The following PLXDC2 variants were observed in gnomAD, a reference collection of about 807,000 sequenced individuals.
PLXDC2 encodes plexin domain containing 2.
A neutral mutation model predicts 68.9 loss-of-function variants in PLXDC2; 40 were observed. The ratio of observed to expected loss-of-function variants is 0.58; its 90% CI spans 0.45 to 0.76. The LOEUF (loss-of-function observed/expected upper bound fraction) is 0.76, where lower values mean the gene tolerates loss of function less well. Among genes scored for constraint, PLXDC2 ranks in the 30% least tolerant of loss-of-function variants. The probability of loss-of-function intolerance (pLI) is 0.00; values close to 1 mark genes in which losing one functional copy is unlikely to be tolerated. For synonymous variants in PLXDC2, 243 were observed against 234.2 expected (o/e 1.04, Z -0.34); for missense variants, 644 against 661.9 (o/e 0.97, Z 0.30).
At chr10:20,133,004 G>T (rs971674360) in intron 4 of PLXDC2, among the ~76,000 whole-genome samples, 1 of 150,644 alleles carries the variant, frequency 6.6e-6, no homozygotes, top group East Asian at 1.9e-4. Flanking sequence ...TTTTTCCTTC[G>T]TGGTTACCAC....
At chr10:20,262,194 C>T (rs1835816647) in intron 13 of PLXDC2, among the ~76,000 whole-genome samples, 1 of 152,176 alleles carries the variant, frequency 6.6e-6, no homozygotes, top group Non-Finnish European at 1.5e-5. Flanking sequence ...ATATTTGCAC[C>T]CACAGGTCAT....
Position 20,011,925 on chromosome 10 carries a change from A to G in PLXDC2, c.324+9939A>G, listed in dbSNP as rs532325930. 3.3e-5 allele frequency among the ~76,000 whole-genome samples: 5 copies of G among 152,308 alleles called. No homozygotes were observed. In the East Asian group the frequency reaches 9.7e-4, roughly 29 times the overall value. On this transcript the variant is annotated intron_variant, in intron 2 of 13. Coordinates refer to ENST00000377252, the MANE Select transcript of PLXDC2 (RefSeq NM_032812.9). The stretch of plus-strand genomic sequence containing the variant: ...TATTTTATCATACAAATTAATGTGT[A>G]CTCAACAATTTAGCACCAATTCACT...
chr10:20,087,248 A>T (rs1833212335), intron 4 of PLXDC2, among the ~76,000 whole-genome samples: 1 of 152,206 alleles, frequency 6.6e-6, no homozygotes, highest in Non-Finnish European at 1.5e-5. Flanking sequence ...TTAAATTTGC[A>T]GATACCACCC....
rs76754543 is a variant in PLXDC2 at position 19,951,507 on chromosome 10, C to T, written c.113-50268C>T. On this transcript the variant is annotated intron_variant, in intron 1 of 13. Coordinates refer to ENST00000377252, the MANE Select transcript of PLXDC2 (RefSeq NM_032812.9). Reference sequence around the variant, plus strand: ...TTTAAAAGTCAAAAAAACAACAGGTCGTGGCAAGGCTGTGGAGAAAAGGGA... The same window carrying T: ...TTTAAAAGTCAAAAAAACAACAGGTTGTGGCAAGGCTGTGGAGAAAAGGGA... Among the ~76,000 whole-genome samples, 500 of 152,188 alleles carry T rather than the reference C, an allele frequency of 3.3e-3. 6 individuals are homozygous for T. The highest frequency in any genetic ancestry group is 0.032 in the East Asian group (166 of 5,176).
intron 1 of PLXDC2, among the ~76,000 whole-genome samples, chr10:19,948,427 G>C (rs1422597970): frequency 6.7e-6 from 1 of 148,522 alleles, no homozygotes; most frequent in Non-Finnish European, 1.5e-5. Context: ...AAAGAGTGTA[G>C]TGCTCTCAGT....
At chr10:19,929,826 T>G (rs920273797) in intron 1 of PLXDC2, among the ~76,000 whole-genome samples, 2 of 152,194 alleles carry the variant, frequency 1.3e-5, no homozygotes, top group Non-Finnish European at 2.9e-5. Flanking sequence ...ATGTTAATGC[T>G]CCCCACATTC....
chr10:19,893,464 C>T (rs189499332), intron 1 of PLXDC2, among the ~76,000 whole-genome samples: 12 of 152,218 alleles, frequency 7.9e-5, no homozygotes, highest in South Asian at 4.1e-4. Context: ...CATTCTCAGT[C>T]GTAAATGTCT....
intron 13 of PLXDC2, among the ~76,000 whole-genome samples, chr10:20,245,852 G>A (rs1023822021): frequency 1.3e-5 from 2 of 152,084 alleles, no homozygotes; most frequent in Non-Finnish European, 2.9e-5. Context: ...GTATCTGGGG[G>A]GCTGAAGACT....
At chr10:20,004,594 A>T (rs1834995866) in intron 2 of PLXDC2, among the ~76,000 whole-genome samples, 1 of 152,210 alleles carries the variant, frequency 6.6e-6, no homozygotes, top group Non-Finnish European at 1.5e-5. Context: ...CCACGACAAA[A>T]TGCAAAAAAT....
At chr10:19,869,813 C>G (rs1837499636) in intron 1 of PLXDC2, among the ~76,000 whole-genome samples, 1 of 151,824 alleles carries the variant, frequency 6.6e-6, no homozygotes, top group African/African-American at 2.4e-5. Context: ...CCCCACCACC[C>G]ACTCCCCCGC....
chr10:20,125,724 C>A (rs768498884), intron 4 of PLXDC2, among the ~76,000 whole-genome samples: 2 of 151,902 alleles, frequency 1.3e-5, no homozygotes, highest in Admixed American at 6.6e-5. Flanking sequence ...CGAGCAATTG[C>A]AGCTGCATTT....
chr10:19,934,602 C>T (rs557079013), intron 1 of PLXDC2, among the ~76,000 whole-genome samples: 15 of 152,270 alleles, frequency 9.9e-5, no homozygotes, highest in East Asian at 5.8e-4. Flanking sequence ...TAATCAAATT[C>T]GCCTATAATT....
chr10:19,931,388 A>T (rs1258357371), intron 1 of PLXDC2, among the ~76,000 whole-genome samples: 2 of 152,216 alleles, frequency 1.3e-5, no homozygotes, highest in Non-Finnish European at 2.9e-5. Flanking sequence ...CTTAAGCTTC[A>T]GCCCAACAGC....
intron 1 of PLXDC2, among the ~76,000 whole-genome samples, chr10:19,851,201 T>C (rs1837111520): frequency 6.6e-6 from 1 of 152,212 alleles, no homozygotes; most frequent in Non-Finnish European, 1.5e-5. Context: ...TGCTTTTCTC[T>C]TGCTCCATTG....
intron 6 of PLXDC2, among the ~76,000 whole-genome samples, chr10:20,154,075 T>C (rs1834186141): frequency 6.6e-6 from 1 of 152,164 alleles, no homozygotes; most frequent in Non-Finnish European, 1.5e-5. Flanking sequence ...GATCCTTTCT[T>C]AAATACATGG....
At chr10:19,936,295 T>C (rs764448241) in intron 1 of PLXDC2, among the ~76,000 whole-genome samples, 26 of 152,260 alleles carry the variant, frequency 1.7e-4, no homozygotes, top group South Asian at 4.1e-4. Flanking sequence ...ATAGGATAGA[T>C]TGGTTTTGTC....
At chr10:20,113,421 C>T (rs1833583323) in intron 4 of PLXDC2, among the ~76,000 whole-genome samples, 1 of 152,162 alleles carries the variant, frequency 6.6e-6, no homozygotes, top group African/African-American at 2.4e-5. Context: ...GCCCTTTCGC[C>T]CTTTATCCAA....
At chr10:20,006,490 G>A (rs575424932) in intron 2 of PLXDC2, among the ~76,000 whole-genome samples, 1 of 152,060 alleles carries the variant, frequency 6.6e-6, no homozygotes, top group Admixed American at 6.5e-5. Context: ...GTATCACAGT[G>A]AGACAAAAAC....
intron 2 of PLXDC2, among the ~76,000 whole-genome samples, chr10:20,040,349 T>C (rs1249674950): frequency 7.2e-5 from 11 of 152,116 alleles, no homozygotes; most frequent in Admixed American, 7.2e-4. Context: ...TCCTTGGCTT[T>C]ACCTTTTGAT....
Sources: allele counts gnomAD v4.1 joint callset (sites outside exome capture counted in the v4.1 genomes callset), GRCh38; gene constraint gnomAD v4.1.1; transcripts MANE v1.5; gene names NCBI Gene and HGNC (gene_info 2026-07-23, HGNC 2026-07-21).